CALCR: variants seen among roughly 807,000 people sequenced by gnomAD.
CALCR encodes calcitonin receptor.
Under a neutral mutation model 59.5 loss-of-function variants are expected in CALCR, and 47 were observed. The observed-to-expected ratio is 0.79, with a 90% CI of 0.63 to 1.01. CALCR has a LOEUF of 1.01. CALCR is among the 50% of genes least tolerant of loss of function. The probability of loss-of-function intolerance (pLI) is 0.00; values close to 1 mark genes in which losing one functional copy is unlikely to be tolerated. For missense variants in CALCR, 566 were observed against 597.1 expected (o/e 0.95, Z 0.54); for synonymous variants, 213 against 211.3 (o/e 1.01, Z -0.07).
intron 2 of CALCR, among the ~76,000 whole-genome samples, chr7:93,568,636 C>T (rs1159474612): frequency 1.3e-5 from 2 of 149,200 alleles, no homozygotes; most frequent in African/African-American, 4.9e-5. Context: ...TGGTGCTTTC[C>T]AGGATTCTAA....
In CALCR at chr7:93,549,480, T is replaced by G. The variant is rs536530921; in HGVS notation, c.-27+24809A>C. Among the ~76,000 whole-genome samples the G allele has an allele frequency of 2.0e-5, 3 of 152,262 alleles. No homozygotes were observed. The South Asian group carries it at 6.2e-4, about 32-fold the overall frequency. ...TGTAAACCATTTAAAATACTCAGCT[T>G]AGGAAGTTGCTGTTAAATAACATAA... On this transcript the variant is annotated intron_variant, in intron 2 of 13. Transcript: ENST00000426151.
chr7:93,556,525 C>T (rs928929679), intron 2 of CALCR, among the ~76,000 whole-genome samples: 4 of 151,860 alleles, frequency 2.6e-5, no homozygotes, highest in Admixed American at 2.0e-4. Context: ...AAAGTTTTCC[C>T]TCATACCCAT....
At chr7:93,545,041 CT>C (rs1284465243) in intron 2 of CALCR, among the ~76,000 whole-genome samples, 1 of 151,994 alleles carries the variant, frequency 6.6e-6, no homozygotes, top group African/African-American at 2.4e-5. Context: ...ACTGCTTGGA[CT>C]TTTTCGTTAG....
chr7:93,543,086 A>G (rs1789190933), intron 2 of CALCR, among the ~76,000 whole-genome samples: 1 of 152,138 alleles, frequency 6.6e-6, no homozygotes, highest in Non-Finnish European at 1.5e-5. Flanking sequence ...ACATAATTGT[A>G]TATGCCACAT....
At chr7:93,516,284 A>C (rs931866133) in intron 2 of CALCR, among the ~76,000 whole-genome samples, 3 of 151,996 alleles carry the variant, frequency 2.0e-5, no homozygotes, top group African/African-American at 7.2e-5. Context: ...AGAATGCCCC[A>C]CTAGGAAGTT....
chr7:93,498,826 T>G (rs1334507175), intron 2 of CALCR, among the ~76,000 whole-genome samples: 1 of 151,738 alleles, frequency 6.6e-6, no homozygotes. Context: ...AAGGGTCTTC[T>G]ATTTTGAGAA....
chr7:93,434,444 C>CCTG, intron 12 of CALCR, 150 bp from the exon 13 acceptor site: 1 of 578,766 alleles, frequency 1.7e-6, no homozygotes, highest in South Asian at 2.4e-5. Context: ...CAGTGCTGCA[C>CCTG]TATAAGAATA....
chr7:93,482,796 C>T (rs1229110253), intron 3 of CALCR: 2 of 533,642 alleles, frequency 3.7e-6, no homozygotes. Flanking sequence ...TTGAAACAAA[C>T]TCCAGTGAAC....
intron 2 of CALCR, among the ~76,000 whole-genome samples, chr7:93,531,239 C>T (rs1431140673): frequency 6.6e-6 from 1 of 151,872 alleles, no homozygotes; most frequent in Non-Finnish European, 1.5e-5. Context: ...CTCAACATAA[C>T]GCTATATGGA....
At position 93,574,394 on chromosome 7, in the gene CALCR, T is replaced by A. The variant is rs1308042559; in HGVS notation, c.-132A>T. 6.6e-6 allele frequency: 1 copy of A among 152,122 alleles called. No homozygotes were observed. The highest frequency in any genetic ancestry group is 2.1e-4 in the South Asian group (1 of 4,828). 9.4% of individuals were successfully genotyped at this position (152,122 alleles called of 1,614,324 possible). Reference sequence around the variant, plus strand: ...CGCTCAAGCTTCAGCGCCCATCTCCTGGGCAGGAGATGTCAGCCGCAGGGT... The same window carrying A: ...CGCTCAAGCTTCAGCGCCCATCTCCAGGGCAGGAGATGTCAGCCGCAGGGT... On this transcript the variant is annotated 5_prime_UTR_variant, in exon 2 of 14. Transcript: ENST00000426151.
chr7:93,503,379 C>A (rs1403912030), intron 2 of CALCR, among the ~76,000 whole-genome samples: 3 of 151,384 alleles, frequency 2.0e-5, no homozygotes, highest in Admixed American at 6.6e-5. Context: ...TATGCTTTTT[C>A]TGAGGAAGGA....
chr7:93,502,951 G>A (rs1240114712), intron 2 of CALCR, among the ~76,000 whole-genome samples: 2 of 151,864 alleles, frequency 1.3e-5, no homozygotes, highest in East Asian at 1.9e-4. Context: ...GAGTATACAC[G>A]TATTACCTCC....
At chr7:93,544,264 A>G (rs1307606832) in intron 2 of CALCR, among the ~76,000 whole-genome samples, 1 of 152,154 alleles carries the variant, frequency 6.6e-6, no homozygotes, top group African/African-American at 2.4e-5. Context: ...GGGTTAAAAA[A>G]TTAAAATCAA....
Position 93,479,460 on chromosome 7 carries a change from T to C in CALCR, c.99A>G (p.Thr33=). 1 of 1,612,594 alleles carries C rather than the reference T, an allele frequency of 6.2e-7. No individual in the cohort carries two copies. The highest frequency in any genetic ancestry group is 8.5e-7 in the Non-Finnish European group (1 of 1,179,088). The change falls in exon 4 of 14, where the codon ACA becomes ACG. Residue 33 remains threonine, a synonymous_variant. Coordinates refer to ENST00000426151, the MANE Select transcript of CALCR (RefSeq NM_001742.4). ...LPAFSNQTYP[T]IEPKPFLYVV... ...CGTAAAGAAATGGCTTGGGCTCTATTGTTGGATAGGTTTGATTTGAAAAGG... is the reference window on the plus strand; with the variant it reads ...CGTAAAGAAATGGCTTGGGCTCTATCGTTGGATAGGTTTGATTTGAAAAGG...
intron 2 of CALCR, among the ~76,000 whole-genome samples, chr7:93,529,520 A>G (rs1398977635): frequency 6.6e-6 from 1 of 152,232 alleles, no homozygotes; most frequent in African/African-American, 2.4e-5. Context: ...ATTTAATTGC[A>G]AAGCAAATCA....
At chr7:93,427,065 G>A (rs974371194) in intron 13 of CALCR, among the ~76,000 whole-genome samples, 1 of 152,156 alleles carries the variant, frequency 6.6e-6, no homozygotes, top group Non-Finnish European at 1.5e-5. Context: ...TTCCTTGTCC[G>A]ACATGACTTG....
At chr7:93,513,738 G>A (rs1379591161) in intron 2 of CALCR, among the ~76,000 whole-genome samples, 1 of 151,726 alleles carries the variant, frequency 6.6e-6, no homozygotes, top group Non-Finnish European at 1.5e-5. Context: ...AAGGAGGTTA[G>A]GTCCATAAAA....
intron 6 of CALCR, among the ~76,000 whole-genome samples, chr7:93,470,258 TACACACAC>T (rs60525647): frequency 1.4e-5 from 2 of 147,720 alleles, no homozygotes; most frequent in African/African-American, 2.5e-5. Flanking sequence ...AGGAATCTTA[TACACACAC>T]ACACACACAC....
intron 2 of CALCR, among the ~76,000 whole-genome samples, chr7:93,568,417 A>G (rs1217736301): frequency 6.6e-6 from 1 of 151,964 alleles, no homozygotes; most frequent in Non-Finnish European, 1.5e-5. Context: ...ATTAAATGCA[A>G]TTGCGAGCTC....
Sources: gnomAD v4.1 joint callset for allele counts (sites outside exome capture counted in the v4.1 genomes callset) on GRCh38, gnomAD v4.1.1 for gene constraint, MANE v1.5 for transcripts, NCBI Gene and HGNC (gene_info 2026-07-23, HGNC 2026-07-21) for gene names.